Variants in ADAM12 observed in about 807,000 individuals in gnomAD.
ADAM12 encodes the protein disintegrin and metalloproteinase domain-containing protein 12.
ADAM12 carries 70 observed loss-of-function variants against 106.4 expected under a neutral mutation model. That is an observed-to-expected ratio of 0.66 (90% CI 0.54 to 0.80). ADAM12 has a LOEUF of 0.80. ADAM12 is among the 30% of genes least tolerant of loss of function. The pLI is 0.00. For missense variants in ADAM12, 1,010 were observed against 1,171.9 expected (o/e 0.86, Z 2.02); for synonymous variants, 420 against 433.5 (o/e 0.97, Z 0.39).
rs926975727 is a variant in ADAM12 at position 126,039,545 on chromosome 10, A to T, written c.2105-116T>A. The T allele has an allele frequency of 5.0e-5, 64 of 1,292,176 alleles. No individual in the cohort carries two copies. The Admixed American group carries it at 1.2e-3, about 23-fold the overall frequency. The allele number at this position is 1,292,176 out of a possible 1,614,324, so 80.0% of individuals were successfully genotyped here. On this transcript the variant is annotated intron_variant, in intron 18 of 22. Transcript: ENST00000448723. ...CTGAAGCAACAGAAATGAAGAGAGT[A>T]CACCCGTGAGTGATGTACTAATAAA...
chr10:126,296,807 G>A (rs757514387), intron 2 of ADAM12, among the ~76,000 whole-genome samples: 2 of 152,110 alleles, frequency 1.3e-5, no homozygotes, highest in African/African-American at 2.4e-5. Flanking sequence ...TTTCCCTATC[G>A]GGGATCTGCT....
intron 18 of ADAM12, chr10:126,042,133 C>T: frequency 6.2e-7 from 1 of 1,613,488 alleles, no homozygotes; most frequent in Non-Finnish European, 8.5e-7. Context: ...TGGGAGGGCT[C>T]AGATGAGTGT....
chr10:126,121,216 AT>A (rs1294165922), intron 5 of ADAM12, among the ~76,000 whole-genome samples: 1 of 105,498 alleles, frequency 9.5e-6, no homozygotes, highest in Non-Finnish European at 1.7e-5. Context: ...TACTATATAT[AT>A]TATATACTAT....
intron 2 of ADAM12, among the ~76,000 whole-genome samples, chr10:126,317,335 A>C (rs1237354721): frequency 6.6e-6 from 1 of 152,146 alleles, no homozygotes; most frequent in African/African-American, 2.4e-5. Context: ...GCTCTCACCA[A>C]CTCTGTTTTG....
At chr10:126,311,497 G>A (rs372810256) in intron 2 of ADAM12, among the ~76,000 whole-genome samples, 1 of 152,056 alleles carries the variant, frequency 6.6e-6, no homozygotes, top group African/African-American at 2.4e-5. Context: ...TGACAGGAAC[G>A]TCTTTTGTTC....
intron 3 of ADAM12, among the ~76,000 whole-genome samples, chr10:126,219,507 A>G (rs1958050867): frequency 6.6e-6 from 1 of 152,236 alleles, no homozygotes; most frequent in Non-Finnish European, 1.5e-5. Context: ...CACATTTTAT[A>G]GAGAAAAGGA....
chr10:126,128,515 T>A (rs1956242742), intron 5 of ADAM12, among the ~76,000 whole-genome samples: 1 of 152,138 alleles, frequency 6.6e-6, no homozygotes, highest in African/African-American at 2.4e-5. Flanking sequence ...CCCCACAGAG[T>A]GGGTACGCAT....
Position 126,330,525 on chromosome 10 carries a change from A to G in ADAM12, c.89-16T>C. ...AAGCTCACCCCTGAATCAAAAGGAA[A>G]ACAGCCCTATATTTCACTCTAGTCA... is the stretch of plus-strand genomic sequence containing the variant. On this transcript the variant is annotated splice_polypyrimidine_tract_variant and intron_variant, in intron 1 of 22. Transcript: ENST00000448723. 6.2e-7 allele frequency: 1 copy of G among 1,607,664 alleles called. No individual in the cohort carries two copies. The highest frequency in any genetic ancestry group is 8.5e-7 in the Non-Finnish European group (1 of 1,176,062).
intron 10 of ADAM12, among the ~76,000 whole-genome samples, chr10:126,095,672 A>G (rs931388805): frequency 1.1e-4 from 16 of 151,970 alleles, no homozygotes; most frequent in African/African-American, 3.9e-4. Flanking sequence ...TTATAAGAAG[A>G]AGAGGGACCT....
intron 21 of ADAM12, among the ~76,000 whole-genome samples, chr10:126,022,940 G>C (rs1238030796): frequency 6.6e-6 from 1 of 152,084 alleles, no homozygotes; most frequent in Non-Finnish European, 1.5e-5. Context: ...AGATTTTTTA[G>C]AGGTTTCAAA....
chr10:126,185,172 T>C (rs753557180), intron 3 of ADAM12, among the ~76,000 whole-genome samples: 1 of 152,236 alleles, frequency 6.6e-6, no homozygotes, highest in Non-Finnish European at 1.5e-5. Context: ...TGTGGGGTTG[T>C]TGCTTCATCT....
intron 3 of ADAM12, among the ~76,000 whole-genome samples, chr10:126,262,967 C>T (rs1437362074): frequency 1.3e-5 from 2 of 152,202 alleles, no homozygotes. Context: ...ACAAAATGGA[C>T]TGCTCTGGGC....
At chr10:126,083,352 C>G (rs1474235187) in intron 11 of ADAM12, among the ~76,000 whole-genome samples, 2 of 152,204 alleles carry the variant, frequency 1.3e-5, no homozygotes, top group Non-Finnish European at 2.9e-5. Context: ...CTGTGTTCTT[C>G]CCACTCAACC....
chr10:126,222,383 A>T (rs1445405467), intron 3 of ADAM12, among the ~76,000 whole-genome samples: 1 of 151,886 alleles, frequency 6.6e-6, no homozygotes, highest in African/African-American at 2.4e-5. Context: ...AAAATCTGTT[A>T]GCCTCTCTGT....
Position 126,101,046 on chromosome 10 carries a change from T to C in ADAM12, c.911+26A>G, listed in dbSNP as rs200730315. On this transcript the variant is annotated intron_variant, in intron 9 of 22. Transcript: ENST00000448723. Reference sequence around the variant, plus strand: ...TCGCCGAGAGCACTCCTTTTTTTTTTAAGCAGACAAGACGTAACTCCCTAC... The same window carrying C: ...TCGCCGAGAGCACTCCTTTTTTTTTCAAGCAGACAAGACGTAACTCCCTAC... 6.2e-4 allele frequency: 991 copies of C among 1,608,626 alleles called. 2 individuals carry two copies. Among genetic ancestry groups the C allele is most frequent in the Admixed American group, 1.2e-3 (74 of 59,324 alleles).
chr10:126,245,380 C>T (rs1958608874), intron 3 of ADAM12, among the ~76,000 whole-genome samples: 1 of 152,134 alleles, frequency 6.6e-6, no homozygotes, highest in African/African-American at 2.4e-5. Context: ...GAGAGTCCTG[C>T]CAGCTTGAGA....
At chr10:126,220,909 G>A (rs1055558147) in intron 3 of ADAM12, among the ~76,000 whole-genome samples, 4 of 152,232 alleles carry the variant, frequency 2.6e-5, no homozygotes, top group African/African-American at 9.6e-5. Flanking sequence ...AGGGAAACCC[G>A]CATCTCCAGC....
chr10:126,335,293 T>C (rs2133859134), intron 1 of ADAM12, among the ~76,000 whole-genome samples: 1 of 152,354 alleles, frequency 6.6e-6, no homozygotes, highest in East Asian at 1.9e-4. Context: ...AGTTCTGGCT[T>C]GAAAGGGAAA....
intron 3 of ADAM12, among the ~76,000 whole-genome samples, chr10:126,271,350 TTAC>T (rs1959174580): frequency 1.3e-5 from 2 of 152,216 alleles, no homozygotes; most frequent in South Asian, 4.1e-4. Context: ...TCTTAACTAC[TTAC>T]TCCTTCCCAC....
Sources: allele counts gnomAD v4.1 joint callset (sites outside exome capture counted in the v4.1 genomes callset), GRCh38; gene constraint gnomAD v4.1.1; transcripts MANE v1.5; gene names NCBI Gene and HGNC (gene_info 2026-07-23, HGNC 2026-07-21).